The following ITFG1 variants were observed in gnomAD, a reference collection of about 807,000 sequenced individuals.
The protein encoded by ITFG1 is integrin alpha FG-GAP repeat containing 1.
In ITFG1, 34 loss-of-function variants were observed where a neutral mutation model predicts 81.8. That is an observed-to-expected ratio of 0.42 (90% confidence interval 0.32 to 0.55). The LOEUF (loss-of-function observed/expected upper bound fraction) is 0.55, where lower values mean the gene tolerates loss of function less well. ITFG1 is among the 20% of genes least tolerant of loss of function. The probability of loss-of-function intolerance (pLI) is 0.17; values close to 1 mark genes in which losing one functional copy is unlikely to be tolerated. For synonymous variants in ITFG1, 285 were observed against 270.6 expected, an observed-to-expected ratio of 1.05 and a Z score of -0.52; for missense variants, 672 against 755.4, an observed-to-expected ratio of 0.89 and a Z score of 1.29.
At chr16:47,185,024 G>A (rs1447195547) in intron 14 of ITFG1, among the ~76,000 whole-genome samples, 1 of 151,118 alleles carries the variant, frequency 6.6e-6, no homozygotes, top group Non-Finnish European at 1.5e-5. Flanking sequence ...GATCAAAAGA[G>A]ACAAAGAAGG....
intron 6 of ITFG1, among the ~76,000 whole-genome samples, chr16:47,402,332 CTATG>C (rs1445811639): frequency 6.6e-6 from 1 of 152,118 alleles, no homozygotes; most frequent in Non-Finnish European, 1.5e-5. Flanking sequence ...CATGGTGTAA[CTATG>C]TGTGTACAGG....
chr16:47,237,300 T>C (rs1965887923), intron 13 of ITFG1, among the ~76,000 whole-genome samples: 1 of 152,196 alleles, frequency 6.6e-6, no homozygotes, highest in Non-Finnish European at 1.5e-5. Context: ...ATTTAACAGC[T>C]CCATGACTTT....
chr16:47,207,862 C>T (rs1965520633), intron 14 of ITFG1, among the ~76,000 whole-genome samples: 2 of 137,804 alleles, frequency 1.5e-5, no homozygotes, highest in African/African-American at 5.4e-5. Flanking sequence ...TATATACTTA[C>T]TCAGCCAAGA....
At chr16:47,164,480 A>T (rs1293409687) in intron 14 of ITFG1, among the ~76,000 whole-genome samples, 1 of 152,226 alleles carries the variant, frequency 6.6e-6, no homozygotes, top group Admixed American at 6.5e-5. Flanking sequence ...CTTCATGGTG[A>T]AGCAGAAGGG....
chr16:47,407,407 A>G lies in ITFG1; in HGVS notation c.655+21397T>C, dbSNP rs536165459. 2.4e-4 allele frequency among the ~76,000 whole-genome samples: 36 copies of G among 152,276 alleles called. No homozygotes were observed. The South Asian group carries it at 6.4e-3, about 27-fold the overall frequency. ...TCCTCTGTCACTCAGGCTGGAGTGCAGTGGTGTGATCTCGGCTCACTGCAA... is the reference window on the plus strand; with the variant it reads ...TCCTCTGTCACTCAGGCTGGAGTGCGGTGGTGTGATCTCGGCTCACTGCAA... On this transcript the variant is annotated intron_variant, in intron 6 of 17. Coordinates refer to ENST00000320640, the MANE Select transcript of ITFG1 (RefSeq NM_030790.5).
chr16:47,244,802 CT>C (rs1965980200), intron 12 of ITFG1, among the ~76,000 whole-genome samples: 1 of 151,910 alleles, frequency 6.6e-6, no homozygotes, highest in South Asian at 2.1e-4. Context: ...GGATCAGTGT[CT>C]CCTAATAAGT....
intron 14 of ITFG1, among the ~76,000 whole-genome samples, chr16:47,197,138 G>C (rs1395875548): frequency 6.6e-6 from 1 of 152,170 alleles, no homozygotes; most frequent in African/African-American, 2.4e-5. Context: ...ATGCAAAGCT[G>C]TCTTTTGTGG....
intron 8 of ITFG1, among the ~76,000 whole-genome samples, chr16:47,324,364 A>C (rs1159592638): frequency 6.6e-6 from 1 of 152,136 alleles, no homozygotes; most frequent in Admixed American, 6.6e-5. Context: ...AACAACTGGT[A>C]CCAGCCACTG....
At chr16:47,267,768 A>C (rs1228740756) in intron 10 of ITFG1, among the ~76,000 whole-genome samples, 1 of 152,150 alleles carries the variant, frequency 6.6e-6, no homozygotes, top group Non-Finnish European at 1.5e-5. Context: ...AAAATTTCCA[A>C]ATTTTTTTAA....
At chr16:47,372,305 T>G (rs894532155) in intron 7 of ITFG1, among the ~76,000 whole-genome samples, 2 of 152,136 alleles carry the variant, frequency 1.3e-5, no homozygotes, top group Non-Finnish European at 2.9e-5. Flanking sequence ...AGTGCAGTGG[T>G]GCAATCATAG....
At chr16:47,359,525 A>G (rs1457871924) in intron 8 of ITFG1, among the ~76,000 whole-genome samples, 1 of 152,188 alleles carries the variant, frequency 6.6e-6, no homozygotes, top group East Asian at 1.9e-4. Flanking sequence ...GACTATTTCT[A>G]TCCATTTCCT....
At chr16:47,435,165 C>A (rs1969149461) in intron 5 of ITFG1, among the ~76,000 whole-genome samples, 1 of 152,118 alleles carries the variant, frequency 6.6e-6, no homozygotes, top group Non-Finnish European at 1.5e-5. Flanking sequence ...GCACATCCTG[C>A]ACATGTATCC....
intron 8 of ITFG1, among the ~76,000 whole-genome samples, chr16:47,316,801 C>T (rs145266561): frequency 0.015 from 2,270 of 152,206 alleles, 57 homozygotes; most frequent in African/African-American, 0.052. Flanking sequence ...AAATCAGAGG[C>T]ACAAGGCTAG....
At chr16:47,256,474 A>C (rs747474588) in intron 12 of ITFG1, among the ~76,000 whole-genome samples, 2 of 152,222 alleles carry the variant, frequency 1.3e-5, no homozygotes, top group Non-Finnish European at 2.9e-5. Context: ...TTGCCTTCTT[A>C]TCTAGAGGTG....
At chr16:47,406,937 A>C (rs1157067751) in intron 6 of ITFG1, among the ~76,000 whole-genome samples, 1 of 152,206 alleles carries the variant, frequency 6.6e-6, no homozygotes, top group African/African-American at 2.4e-5. Context: ...CCAAGTCCTA[A>C]GGTTGGACCT....
rs575944677 is a variant in ITFG1 at position 47,379,454 on chromosome 16, G to A, written c.656-3514C>T. 8.5e-4 allele frequency among the ~76,000 whole-genome samples: 130 copies of A among 152,218 alleles called. 1 individual carries two copies. The highest frequency in any genetic ancestry group is 2.9e-3 in the African/African-American group (122 of 41,532). ...AGTAATGTCTGCACTTTGAGAGGCC[G>A]AGGCGGGCAGATCACCTGAGGTAAG... is the stretch of plus-strand genomic sequence containing the variant. On this transcript the variant is annotated intron_variant, in intron 6 of 17. Coordinates refer to ENST00000320640, the MANE Select transcript of ITFG1 (RefSeq NM_030790.5).
chr16:47,292,922 T>C (rs1436051871), intron 10 of ITFG1, among the ~76,000 whole-genome samples: 1 of 151,556 alleles, frequency 6.6e-6, no homozygotes, highest in African/African-American at 2.4e-5. Flanking sequence ...ACTTTGTTTC[T>C]GAATTGTTTA....
intron 14 of ITFG1, among the ~76,000 whole-genome samples, chr16:47,176,465 A>C (rs1308598984): frequency 6.6e-6 from 1 of 152,234 alleles, no homozygotes; most frequent in East Asian, 1.9e-4. Flanking sequence ...CTCTGAAAGA[A>C]AAATATATTC....
chr16:47,165,948 A>C (rs967920736), intron 14 of ITFG1, among the ~76,000 whole-genome samples: 2 of 152,174 alleles, frequency 1.3e-5, no homozygotes, highest in African/African-American at 4.8e-5. Context: ...TAAAACTCTA[A>C]CTGATGGACC....
Sources: gnomAD v4.1 joint callset for allele counts (sites outside exome capture counted in the v4.1 genomes callset) on GRCh38, gnomAD v4.1.1 for gene constraint, MANE v1.5 for transcripts, NCBI Gene and HGNC (gene_info 2026-07-23, HGNC 2026-07-21) for gene names.